The following NEURL2 variants were observed in gnomAD, a reference collection of about 807,000 sequenced individuals.
NEURL2 encodes neuralized-like protein 2.
NEURL2 carries 16 observed loss-of-function variants against 15.9 expected under a neutral mutation model. That is an observed-to-expected ratio of 1.01 (90% CI 0.68 to 1.53). The LOEUF is 1.53. Ranked by LOEUF, NEURL2 falls within the 40% of genes most tolerant of loss-of-function variation. The probability of loss-of-function intolerance (pLI) is 0.00; values close to 1 mark genes in which losing one functional copy is unlikely to be tolerated. For synonymous variants in NEURL2, 188 were observed against 178.3 expected, an observed-to-expected ratio of 1.05 and a Z score of -0.43; for missense variants, 393 against 407.8, an observed-to-expected ratio of 0.96 and a Z score of 0.31.
chr20:45,891,073 T>A lies in NEURL2; in HGVS notation c.-82A>T. Reference sequence around the variant, plus strand: ...TGATGGTGACCGCAAGGCGACCTTGTAAGGCATTTCCCCCCTGACTCCCTT... The same window carrying A: ...TGATGGTGACCGCAAGGCGACCTTGAAAGGCATTTCCCCCCTGACTCCCTT... On this transcript the variant is annotated 5_prime_UTR_variant, in exon 1 of 2. Transcript: ENST00000372518. The surrounding 1 kb of genome is among the most constrained non-coding windows in gnomAD (Gnocchi z 4.6). 7.3e-7 allele frequency: 1 copy of A among 1,363,642 alleles called. No individual in the cohort carries two copies. Among genetic ancestry groups the A allele is most frequent in the Non-Finnish European group, 9.7e-7 (1 of 1,026,338 alleles). The allele number at this position is 1,363,642 out of a possible 1,614,324, so 84.5% of individuals were successfully genotyped here.
Position 45,890,665 on chromosome 20 carries a change from G to A in NEURL2, c.327C>T (p.His109=), listed in dbSNP as rs2145810248. The change falls in exon 1 of 2, where the codon CAC becomes CAT. Residue 109 remains histidine, a synonymous_variant. Transcript: ENST00000372518. ...GGCGCGTGATGGCGAAGACCCAGGT[G>A]TGGCCCAGGTTGACCAGATCGGGCA... is the stretch of plus-strand genomic sequence containing the variant. ...FSLPDLVNLG[H]TWVFAITRHH... is the part of the protein sequence containing the mutation. 6.2e-7 allele frequency: 1 copy of A among 1,613,664 alleles called. No homozygotes were observed. The highest frequency in any genetic ancestry group is 8.5e-7 in the Non-Finnish European group (1 of 1,179,868).
At chr20:45,888,956 C>T in intron 1 of NEURL2, 83 bp from the exon 2 acceptor site, 1 of 1,531,088 alleles carries the variant, frequency 6.5e-7, no homozygotes, top group Non-Finnish European at 8.9e-7. Flanking sequence ...GTCATGGTCC[C>T]CACTTTGTCA....
At chr20:45,889,682 C>T (rs979863027) in intron 1 of NEURL2, among the ~76,000 whole-genome samples, 1 of 149,526 alleles carries the variant, frequency 6.7e-6, no homozygotes, top group Non-Finnish European at 1.5e-5. Flanking sequence ...GGTGAGATCT[C>T]GGCTCATTGC....
chr20:45,891,041 C>T lies in NEURL2; in HGVS notation c.-50G>A, dbSNP rs1036653395. The T allele has an allele frequency of 1.7e-5, 25 of 1,446,670 alleles. No homozygotes were observed. Among genetic ancestry groups the T allele is most frequent in the Middle Eastern group, 2.0e-4 (1 of 4,918 alleles). 89.6% of individuals were successfully genotyped at this position (1,446,670 alleles called of 1,614,324 possible). A position where few individuals can be genotyped will look rare whatever the true frequency, so the allele number is the denominator to read the frequency against. On this transcript the variant is annotated 5_prime_UTR_variant, in exon 1 of 2. Coordinates refer to ENST00000372518, the MANE Select transcript of NEURL2 (RefSeq NM_080749.4). This position sits in a 1 kb window ranked among gnomAD's most constrained non-coding sequence, Gnocchi z 4.6. ...TGGCGCCGGGGGCTATTTTGGGCGG[C>T]GGGCAATGATGGTGACCGCAAGGCG...
chr20:45,891,150 T>G lies in NEURL2; in HGVS notation c.-159A>C. On this transcript the variant is annotated 5_prime_UTR_variant, in exon 1 of 2. It removes the in-frame stop codon of an upstream open reading frame in the 5' UTR. Coordinates refer to ENST00000372518, the MANE Select transcript of NEURL2 (RefSeq NM_080749.4). The surrounding 1 kb of genome is among the most constrained non-coding windows in gnomAD (Gnocchi z 4.6). The stretch of plus-strand genomic sequence containing the variant: ...GCGCCGCTTTCTCAGCCATCCCGCC[T>G]ACAACTTAGCCGTCCACAACAGGAT... 3.0e-6 allele frequency: 3 copies of G among 1,008,710 alleles called. No individual in the cohort carries two copies. In the South Asian group the frequency reaches 4.8e-5, roughly 16 times the overall value. 62.5% of individuals were successfully genotyped at this position (1,008,710 alleles called of 1,614,324 possible). A position where few individuals can be genotyped will look rare whatever the true frequency, so the allele number is the denominator to read the frequency against.
chr20:45,891,094 C>G lies in NEURL2; in HGVS notation c.-103G>C. On this transcript the variant is annotated 5_prime_UTR_variant, in exon 1 of 2. Transcript: ENST00000372518. This position sits in a 1 kb window ranked among gnomAD's most constrained non-coding sequence, Gnocchi z 4.6. The stretch of plus-strand genomic sequence containing the variant: ...CTTGTAAGGCATTTCCCCCCTGACT[C>G]CCTTCCCCGAGCCTCTGCCCGGGGG... 5 of 1,263,870 alleles carry G rather than the reference C, an allele frequency of 4.0e-6. No individual in the cohort carries two copies. The South Asian group carries it at 6.2e-5, about 16-fold the overall frequency. 78.3% of individuals were successfully genotyped at this position (1,263,870 alleles called of 1,614,324 possible).
rs371277500 is a variant in NEURL2 at position 45,888,826 on chromosome 20, C to G, written c.790G>C (p.Val264Leu). The change falls in exon 2 of 2, where the codon GTG becomes CTG. Residue 264 changes from valine (V) to leucine (L), a missense_variant. Val to Leu is a conservative substitution (Grantham distance 32, BLOSUM62 1). Coordinates refer to ENST00000372518, the MANE Select transcript of NEURL2 (RefSeq NM_080749.4). Reference protein sequence around the residue: ...LCRLVIQRSMVHRLAIDGLHL... With the variant: ...LCRLVIQRSMLHRLAIDGLHL... ...AGCCCATCAATGGCCAGCCGGTGCA[C>G]CATGCTCCTTTGTATCACTAGGCGG... is the stretch of plus-strand genomic sequence containing the variant. 6 of 1,614,086 alleles carry G rather than the reference C, an allele frequency of 3.7e-6. No homozygotes were observed. The highest frequency in any genetic ancestry group is 5.1e-6 in the Non-Finnish European group (6 of 1,179,990).
Position 45,888,789 on chromosome 20 carries a change from T to G in NEURL2, c.827A>C (p.Lys276Thr), listed in dbSNP as rs146400005. ...ATACTTGCAGAAATCCTTAAGTTCT[T>G]TGGGCAGGTGGAGCCCATCAATGGC... ...RLAIDGLHLPKELKDFCKYE is the reference protein window; with the variant it reads ...RLAIDGLHLPTELKDFCKYE Residue 276 changes from lysine (K) to threonine (T), a missense_variant, in exon 2 of 2, where the codon AAA (lysine) becomes ACA (threonine). Physicochemically the swap from Lys to Thr is moderately conservative, Grantham distance 78 (BLOSUM62 -1). Transcript: ENST00000372518. 199 of 1,614,044 alleles carry G rather than the reference T, an allele frequency of 1.2e-4. No individual in the cohort carries two copies. Among genetic ancestry groups the G allele is most frequent in the Non-Finnish European group, 1.6e-4 (194 of 1,180,034 alleles).
rs1292898282 is a variant in NEURL2 at position 45,891,065 on chromosome 20, C to A, written c.-74G>T. 6 of 1,401,226 alleles carry A rather than the reference C, an allele frequency of 4.3e-6. No homozygotes were observed. The highest frequency in any genetic ancestry group is 1.5e-5 in the South Asian group (1 of 67,756). The allele number at this position is 1,401,226 out of a possible 1,614,324, so 86.8% of individuals were successfully genotyped here. A position where few individuals can be genotyped will look rare whatever the true frequency, so the allele number is the denominator to read the frequency against. ...GCGGGCAATGATGGTGACCGCAAGGCGACCTTGTAAGGCATTTCCCCCCTG... is the reference window on the plus strand; with the variant it reads ...GCGGGCAATGATGGTGACCGCAAGGAGACCTTGTAAGGCATTTCCCCCCTG... On this transcript the variant is annotated 5_prime_UTR_variant, in exon 1 of 2. Transcript: ENST00000372518. This position sits in a 1 kb window ranked among gnomAD's most constrained non-coding sequence, Gnocchi z 4.6.
In NEURL2 at chr20:45,890,408, C is replaced by A. The variant is rs754067203; in HGVS notation, c.584G>T (p.Cys195Phe). The A allele has an allele frequency of 3.7e-6, 6 of 1,612,044 alleles. No homozygotes were observed. The Admixed American group carries it at 6.7e-5, about 18-fold the overall frequency. Residue 195 changes from cysteine (C) to phenylalanine (F), a missense_variant, in exon 1 of 2, where the codon TGC becomes TTC. Coordinates refer to ENST00000372518, the MANE Select transcript of NEURL2 (RefSeq NM_080749.4). ...GTCGGCCGTGCCATCGGGGCGCGGG[C>A]AAAAGAGGACACCCAGGCGGCTACG... ...ARRSRLGVLF[C>F]PRPDGTADMH... is the part of the protein sequence containing the mutation.
Position 45,888,827 on chromosome 20 carries a change from C to A in NEURL2, c.789G>T (p.Met263Ile). The A allele has an allele frequency of 3.1e-6, 5 of 1,614,140 alleles. No homozygotes were observed. The South Asian group carries it at 4.4e-5, about 14-fold the overall frequency. Residue 263 changes from methionine to isoleucine, a missense_variant, in exon 2 of 2, where the codon ATG (methionine) becomes ATT (isoleucine). Coordinates refer to ENST00000372518, the MANE Select transcript of NEURL2 (RefSeq NM_080749.4). ...TLCRLVIQRSMVHRLAIDGLH... is the reference protein window; with the variant it reads ...TLCRLVIQRSIVHRLAIDGLH... ...GCCCATCAATGGCCAGCCGGTGCAC[C>A]ATGCTCCTTTGTATCACTAGGCGGC...
Position 45,890,249 on chromosome 20 carries a change from C to T in NEURL2, c.742+1G>A. On this transcript the variant is annotated splice_donor_variant, in intron 1 of 1. Transcript: ENST00000372518. LOFTEE classifies it high-confidence loss of function. The stretch of plus-strand genomic sequence containing the variant: ...AGGGGTCGCTGCCCAGGGATACCTA[C>T]AGCCATACTCGAGCTGGACAAGGCG... 6.2e-7 allele frequency: 1 copy of T among 1,613,882 alleles called. No homozygotes were observed. Among genetic ancestry groups the T allele is most frequent in the Non-Finnish European group, 8.5e-7 (1 of 1,180,038 alleles).
chr20:45,888,886 G>A lies in NEURL2; in HGVS notation c.743-13C>T. The A allele has an allele frequency of 6.2e-7, 1 of 1,614,026 alleles. No homozygotes were observed. Among genetic ancestry groups the A allele is most frequent in the Non-Finnish European group, 8.5e-7 (1 of 1,179,952 alleles). On this transcript the variant is annotated splice_polypyrimidine_tract_variant and intron_variant, in intron 1 of 1. Transcript: ENST00000372518. Reference sequence around the variant, plus strand: ...TGCAGGGATGGCACTGTGGGAAGAAGACTGTGAAAGGCAAACTGAACTGGA... The same window carrying A: ...TGCAGGGATGGCACTGTGGGAAGAAAACTGTGAAAGGCAAACTGAACTGGA...
chr20:45,890,778 CCTCGATCTCGACCAGGAA>C lies in NEURL2; in HGVS notation c.196_213del (p.Phe66_Glu71del). ...TGTCCGCACCAGCCCAGCTCTTTCTCCTCGATCTCGACCAGGAAGACCTGGCCCGGGGCCAGCGGCTCG... is the reference window on the plus strand; with the variant it reads ...TGTCCGCACCAGCCCAGCTCTTTCTCGACCTGGCCCGGGGCCAGCGGCTCG... On this transcript the variant is annotated inframe_deletion, in exon 1 of 2. Coordinates refer to ENST00000372518, the MANE Select transcript of NEURL2 (RefSeq NM_080749.4). 6.2e-7 allele frequency: 1 copy of C among 1,608,660 alleles called. No individual in the cohort carries two copies.
Position 45,891,090 on chromosome 20 carries a change from G to T in NEURL2, c.-99C>A. 1 of 1,280,826 alleles carries T rather than the reference G, an allele frequency of 7.8e-7. No homozygotes were observed. The highest frequency in any genetic ancestry group is 1.1e-6 in the Non-Finnish European group (1 of 949,398). The allele number at this position is 1,280,826 out of a possible 1,614,324, so 79.3% of individuals were successfully genotyped here. A position where few individuals can be genotyped will look rare whatever the true frequency, so the allele number is the denominator to read the frequency against. On this transcript the variant is annotated 5_prime_UTR_variant, in exon 1 of 2. Transcript: ENST00000372518. This position sits in a 1 kb window ranked among gnomAD's most constrained non-coding sequence, Gnocchi z 4.6. ...CGACCTTGTAAGGCATTTCCCCCCT[G>T]ACTCCCTTCCCCGAGCCTCTGCCCG... is the stretch of plus-strand genomic sequence containing the variant.
chr20:45,889,213 G>A (rs1265121315), intron 1 of NEURL2, among the ~76,000 whole-genome samples: 2 of 152,186 alleles, frequency 1.3e-5, no homozygotes, highest in African/African-American at 4.8e-5. Context: ...TTCATGAAAT[G>A]TGATGAGAGG....
At chr20:45,889,619 C>T (rs201176219) in intron 1 of NEURL2, among the ~76,000 whole-genome samples, 3 of 150,432 alleles carry the variant, frequency 2.0e-5, no homozygotes, top group Admixed American at 6.6e-5. Flanking sequence ...CTCTCTCTCT[C>T]TCTTTCTTTT....
Position 45,890,714 on chromosome 20 carries a change from A to G in NEURL2, c.278T>C (p.Leu93Pro), listed in dbSNP as rs1242705928. 1 of 1,613,742 alleles carries G rather than the reference A, an allele frequency of 6.2e-7. No homozygotes were observed. Among genetic ancestry groups the G allele is most frequent in the Admixed American group, 1.7e-5 (1 of 60,028 alleles). Residue 93 changes from leucine to proline, a missense_variant, in exon 1 of 2, where the codon CTG (leucine) becomes CCG (proline). Transcript: ENST00000372518. ...CAGAGAAAACTCGGGAACGGGGGCC[A>G]GACTGGCGGGGTCCAGCGCGGTCAG... is the stretch of plus-strand genomic sequence containing the variant. ...LGLTALDPAS[L>P]APVPEFSLPD...
chr20:45,890,762 C>T lies in NEURL2; in HGVS notation c.230G>A (p.Trp77Ter). ...LVEIEEKELG[W>*]CGHLRLGLTA... ...CAGACCGAGACGCAGATGTCCGCAC[C>T]AGCCCAGCTCTTTCTCCTCGATCTC... Residue 77 changes from tryptophan (W) to a stop codon, truncating the protein, a stop_gained, in exon 1 of 2, where the codon TGG becomes TAG. Transcript: ENST00000372518. LOFTEE classifies it high-confidence loss of function. The T allele has an allele frequency of 1.2e-6, 2 of 1,611,226 alleles. No individual in the cohort carries two copies.
Sources: allele counts gnomAD v4.1 joint callset (sites outside exome capture counted in the v4.1 genomes callset), GRCh38; gene constraint gnomAD v4.1.1; non-coding constraint Gnocchi (gnomAD v3.1); transcripts MANE v1.5; gene names NCBI Gene and HGNC (gene_info 2026-07-23, HGNC 2026-07-21).